The following KIF1C variants were observed in gnomAD, a reference collection of about 807,000 sequenced individuals.
The protein encoded by KIF1C is kinesin-like protein KIF1C.
Under a neutral mutation model 126.5 loss-of-function variants are expected in KIF1C, and 61 were observed. The ratio of observed to expected loss-of-function variants is 0.48; its 90% CI spans 0.39 to 0.60. KIF1C has a LOEUF of 0.60. KIF1C is among the 20% of genes least tolerant of loss of function. The pLI, the probability that KIF1C is intolerant of heterozygous loss-of-function variation, is 0.00. For synonymous variants in KIF1C, 640 were observed against 580.6 expected, an observed-to-expected ratio of 1.10 and a Z score of -1.47; for missense variants, 1,315 against 1,489.2, an observed-to-expected ratio of 0.88 and a Z score of 1.93.
intron 18 of KIF1C, 102 bp downstream of exon 18, chr17:5,014,939 G>A (rs1169741981): frequency 7.6e-6 from 7 of 919,174 alleles, no homozygotes; most frequent in Non-Finnish European, 1.2e-5. Context: ...AGGGAGTGCA[G>A]CCATATAAAG....
intron 16 of KIF1C, among the ~76,000 whole-genome samples, chr17:5,008,633 C>G (rs1974789851): frequency 6.6e-6 from 1 of 152,230 alleles, no homozygotes; most frequent in African/African-American, 2.4e-5. Flanking sequence ...AACCCCTGTT[C>G]TGAAAAGAGG....
At position 5,022,349 on chromosome 17, in the gene KIF1C, C is replaced by T. The variant is rs1424961589; in HGVS notation, c.2268C>T (p.Cys756=). Reference sequence around the variant, plus strand: ...AGATGCAGGCGGTGAAGGAGATCTGCTACGAGGTGGCCCTGGCTGACTTCC... The same window carrying T: ...AGATGCAGGCGGTGAAGGAGATCTGTTACGAGGTGGCCCTGGCTGACTTCC... The part of the protein sequence containing the change: ...DLKMQAVKEI[C]YEVALADFRH... The change falls in exon 22 of 23, where the codon TGC becomes TGT. Residue 756 remains cysteine (C), a synonymous_variant. Transcript: ENST00000320785. The surrounding 1 kb of genome is among the most constrained non-coding windows in gnomAD (Gnocchi z 4.9). The T allele has an allele frequency of 3.8e-5, 60 of 1,594,450 alleles. No individual in the cohort carries two copies. Among genetic ancestry groups the T allele is most frequent in the Non-Finnish European group, 4.9e-5 (57 of 1,170,010 alleles).
chr17:5,021,978 G>A, intron 21 of KIF1C, 114 bp from the exon 22 acceptor site: 1 of 1,233,764 alleles, frequency 8.1e-7, no homozygotes, highest in Non-Finnish European at 1.1e-6. Flanking sequence ...AGCAGGACTT[G>A]AACCCAGGCT....
At position 5,007,471 on chromosome 17, in the gene KIF1C, G is replaced by T; in HGVS notation, c.1420G>T (p.Ala474Ser). ...KTEALRMERE[A>S]LLAEMGVAVR... ...TTGCCTCTCCTCTGCCCACAGAGAA[G>T]CATTGCTGGCTGAGATGGGGGTGGC... Residue 474 changes from alanine (A) to serine (S), a missense_variant, in exon 16 of 23, where the codon GCA becomes TCA. Transcript: ENST00000320785. 6.3e-7 allele frequency: 1 copy of T among 1,589,600 alleles called. No homozygotes were observed.
rs113047933 is a variant in KIF1C, at chr17:5,000,865, G to A, written c.183+17G>A. On this transcript the variant is annotated intron_variant, in intron 4 of 22. Coordinates refer to ENST00000320785, the MANE Select transcript of KIF1C (RefSeq NM_006612.6). Reference sequence around the variant, plus strand: ...CACACTTCGGTGGGTTGTTGGGCTGGGGGAAGAGCAAGGCAGTGAGAGACA... The same window carrying A: ...CACACTTCGGTGGGTTGTTGGGCTGAGGGAAGAGCAAGGCAGTGAGAGACA... The A allele has an allele frequency of 2.5e-6, 4 of 1,611,754 alleles. No individual in the cohort carries two copies. In the East Asian group the frequency reaches 8.9e-5, roughly 36 times the overall value.
At position 5,023,279 on chromosome 17, in the gene KIF1C, A is replaced by G. The variant is rs1205828638; in HGVS notation, c.2629-189A>G. Among the ~76,000 whole-genome samples, 1 of 151,864 alleles carries G rather than the reference A, an allele frequency of 6.6e-6. No homozygotes were observed. Among genetic ancestry groups the G allele is most frequent in the Non-Finnish European group, 1.5e-5 (1 of 67,976 alleles). ...TGTGATCCGCCCACCTCAGCTTCCCAAAGTGCTGCGATTACAGGCGTGAGC... is the reference window on the plus strand; with the variant it reads ...TGTGATCCGCCCACCTCAGCTTCCCGAAGTGCTGCGATTACAGGCGTGAGC... On this transcript the variant is annotated intron_variant, in intron 22 of 22. Transcript: ENST00000320785. The surrounding 1 kb of genome is among the most constrained non-coding windows in gnomAD (Gnocchi z 4.2).
At position 5,022,884 on chromosome 17, in the gene KIF1C, A is replaced by G. The variant is rs1364017231; in HGVS notation, c.2628+175A>G. On this transcript the variant is annotated intron_variant, in intron 22 of 22. Coordinates refer to ENST00000320785, the MANE Select transcript of KIF1C (RefSeq NM_006612.6). This position sits in a 1 kb window ranked among gnomAD's most constrained non-coding sequence, Gnocchi z 4.9. ...CATGCCTCGCTGTCACCAGGCTGCTAATTAAAATAGATTCCCGGGTTCCAC... is the reference window on the plus strand; with the variant it reads ...CATGCCTCGCTGTCACCAGGCTGCTGATTAAAATAGATTCCCGGGTTCCAC... Among the ~76,000 whole-genome samples the G allele has an allele frequency of 6.6e-6, 1 of 152,224 alleles. No individual in the cohort carries two copies. The highest frequency in any genetic ancestry group is 2.4e-5 in the African/African-American group (1 of 41,456).
At chr17:5,014,890 C>T in intron 18 of KIF1C, 53 bp downstream of exon 18, 1 of 1,399,800 alleles carries the variant, frequency 7.1e-7, no homozygotes, top group Non-Finnish European at 9.9e-7. Flanking sequence ...CCCCATGTTC[C>T]ACCCCACACA....
In KIF1C at chr17:5,023,443, T is replaced by C; in HGVS notation, c.2629-25T>C. The C allele has an allele frequency of 6.2e-7, 1 of 1,602,508 alleles. No homozygotes were observed. The highest frequency in any genetic ancestry group is 8.5e-7 in the Non-Finnish European group (1 of 1,170,874). The stretch of plus-strand genomic sequence containing the variant: ...GATTCAGCTCTCCTCACATCCCTTC[T>C]CCTTTTCTCACTCCTCCCTCCCAGG... On this transcript the variant is annotated intron_variant, in intron 22 of 22. Transcript: ENST00000320785. The surrounding 1 kb of genome is among the most constrained non-coding windows in gnomAD (Gnocchi z 4.2).
At position 5,024,110 on chromosome 17, in the gene KIF1C, C is replaced by A. The variant is rs755305909; in HGVS notation, c.3271C>A (p.Arg1091Ser). 6.2e-7 allele frequency: 1 copy of A among 1,610,524 alleles called. No homozygotes were observed. Among genetic ancestry groups the A allele is most frequent in the South Asian group, 1.1e-5 (1 of 90,730 alleles). ...YTTPPRMRRQ[R>S]SAPDLKESGA... is the part of the protein sequence containing the mutation. ...TACTCCCCCACGAATGAGACGGCAG[C>A]GTTCTGCCCCTGACCTCAAGGAGAG... Residue 1091 changes from arginine to serine, a missense_variant, in exon 23 of 23, where the codon CGT becomes AGT. Physicochemically the swap from Arg to Ser is moderately radical, Grantham distance 110. Transcript: ENST00000320785.
chr17:5,020,776 G>A lies in KIF1C; in HGVS notation c.1938-30G>A. On this transcript the variant is annotated intron_variant, in intron 20 of 22. Coordinates refer to ENST00000320785, the MANE Select transcript of KIF1C (RefSeq NM_006612.6). This position sits in a 1 kb window ranked among gnomAD's most constrained non-coding sequence, Gnocchi z 5.8. ...CTCTTGTCAGATACTCACCAAGGTTGCTCTTCCTTCCCTCCCTGTCCAATC... is the reference window on the plus strand; with the variant it reads ...CTCTTGTCAGATACTCACCAAGGTTACTCTTCCTTCCCTCCCTGTCCAATC... 3.1e-6 allele frequency: 5 copies of A among 1,597,988 alleles called. No individual in the cohort carries two copies. The highest frequency in any genetic ancestry group is 4.3e-6 in the Non-Finnish European group (5 of 1,171,860).
intron 15 of KIF1C, 25 bp downstream of exon 15, chr17:5,007,367 C>T (rs754532758): frequency 1.9e-6 from 3 of 1,612,764 alleles, no homozygotes; most frequent in East Asian, 2.2e-5. Context: ...AGTTGGGGTC[C>T]TGGGTGGAGT....
In KIF1C at chr17:5,027,312, T is replaced by G. The variant is rs1269218698; in HGVS notation, c.*3161T>G. 1.3e-5 allele frequency: 2 copies of G among 152,250 alleles called. No individual in the cohort carries two copies. The highest frequency in any genetic ancestry group is 4.8e-5 in the African/African-American group (2 of 41,450). The allele number at this position is 152,250 out of a possible 1,614,324, so 9.4% of individuals were successfully genotyped here. On this transcript the variant is annotated 3_prime_UTR_variant, in exon 23 of 23. Transcript: ENST00000320785. The stretch of plus-strand genomic sequence containing the variant: ...CCCGGCTAATTTTTTGTATCTTTAG[T>G]AGAGACAGGGTTTCACTATGTTGTC...
chr17:5,022,085 GC>G lies in KIF1C; in HGVS notation c.2011-3del. 6 of 1,589,732 alleles carry G rather than the reference GC, an allele frequency of 3.8e-6. No individual in the cohort carries two copies. The highest frequency in any genetic ancestry group is 5.2e-6 in the Non-Finnish European group (6 of 1,164,600). Reference sequence around the variant, plus strand: ...CCCTCTCTTCCTCTTTCTTTCTCTGGCCCCAGTATGCAGACTCGGACAGCGG... The same window carrying G: ...CCCTCTCTTCCTCTTTCTTTCTCTGGCCCAGTATGCAGACTCGGACAGCGG... On this transcript the variant is annotated splice_polypyrimidine_tract_variant and splice_region_variant and intron_variant, in intron 21 of 22. Transcript: ENST00000320785. This position sits in a 1 kb window ranked among gnomAD's most constrained non-coding sequence, Gnocchi z 4.9.
At chr17:5,012,380 G>C (rs1394599024) in intron 16 of KIF1C, among the ~76,000 whole-genome samples, 1 of 152,012 alleles carries the variant, frequency 6.6e-6, no homozygotes, top group Non-Finnish European at 1.5e-5. Flanking sequence ...GGCGGGGCGG[G>C]AGGCGGTCTG....
intron 17 of KIF1C, 118 bp from the exon 18 acceptor site, chr17:5,014,625 C>T: frequency 4.0e-6 from 3 of 751,172 alleles, no homozygotes; most frequent in South Asian, 3.3e-5. Flanking sequence ...GCCTCTGCTT[C>T]CTCATCTGTG....
In KIF1C at chr17:5,013,834, A is replaced by G. The variant is rs978538633; in HGVS notation, c.1571+102A>G. The G allele has an allele frequency of 1.6e-5, 13 of 822,824 alleles. No homozygotes were observed. The African/African-American group carries it at 2.2e-4, about 14-fold the overall frequency. 51.0% of individuals were successfully genotyped at this position (822,824 alleles called of 1,614,324 possible). A position where few individuals can be genotyped will look rare whatever the true frequency, so the allele number is the denominator to read the frequency against. On this transcript the variant is annotated intron_variant, in intron 17 of 22. Transcript: ENST00000320785. ...CTCCCTTCCCTGGTGGTCCCTGGAG[A>G]TACCTCAGATCTCTAAACAGCTGCC...
chr17:5,002,570 A>G lies in KIF1C; in HGVS notation c.536A>G (p.Gln179Arg), dbSNP rs764242879. The change falls in exon 7 of 23, where the codon CAG (glutamine) becomes CGG (arginine). Residue 179 changes from glutamine to arginine, a missense_variant. This residue lies in a region of KIF1C where 874 missense variants were observed against 1,053.2 expected (regional missense o/e 0.83). Transcript: ENST00000320785. ...REHPILGPYV[Q>R]DLSKLAVTSY... ...CACCCCATCCTGGGCCCGTACGTGC[A>G]GGACCTGTCCAAATTGGCTGTGACC... 1.9e-6 allele frequency: 3 copies of G among 1,614,090 alleles called. No homozygotes were observed. The highest frequency in any genetic ancestry group is 2.2e-5 in the South Asian group (2 of 91,078).
In KIF1C at chr17:5,002,044, T is replaced by A; in HGVS notation, c.364-15T>A. The A allele has an allele frequency of 6.2e-7, 1 of 1,613,178 alleles. No individual in the cohort carries two copies. The highest frequency in any genetic ancestry group is 8.5e-7 in the Non-Finnish European group (1 of 1,179,128). On this transcript the variant is annotated splice_polypyrimidine_tract_variant and intron_variant, in intron 5 of 22. Coordinates refer to ENST00000320785, the MANE Select transcript of KIF1C (RefSeq NM_006612.6). ...GAACAGGAGCTTCTCTGTATTTCCC[T>A]GTGTCCCCCTCCAGCTCTGTGAGGA...
Sources: allele counts gnomAD v4.1 joint callset (sites outside exome capture counted in the v4.1 genomes callset), GRCh38; gene constraint gnomAD v4.1.1; regional missense constraint gnomAD v4.1.1; non-coding constraint Gnocchi (gnomAD v3.1); transcripts MANE v1.5; gene names NCBI Gene and HGNC (gene_info 2026-07-23, HGNC 2026-07-21).